Variants in CAMKV observed in about 807,000 individuals in gnomAD.
The protein encoded by CAMKV is CaM kinase like vesicle associated.
In CAMKV, 5 loss-of-function variants were observed where a neutral mutation model predicts 50.2. The ratio of observed to expected loss-of-function variants is 0.10; its 90% CI spans 0.05 to 0.21. CAMKV has a LOEUF of 0.21. Among genes scored for constraint, CAMKV ranks in the 10% least tolerant of loss-of-function variants. CAMKV has a pLI of 1.00. For synonymous variants in CAMKV, 229 were observed against 250.1 expected, an observed-to-expected ratio of 0.92 and a Z score of 0.80; for missense variants, 361 against 650.5, an observed-to-expected ratio of 0.55 and a Z score of 4.84.
At position 49,860,015 on chromosome 3, in the gene CAMKV, C is replaced by G. The variant is rs560688451; in HGVS notation, c.943-134G>C. On this transcript the variant is annotated intron_variant, in intron 10 of 10. Transcript: ENST00000477224. The surrounding 1 kb of genome is among the most constrained non-coding windows in gnomAD (Gnocchi z 6.1). ...CCCCAGGGCCAAGTACTCAGCTGCT[C>G]AGCACTCCTACTTAAGGTAATCACA... 2 of 1,043,254 alleles carry G rather than the reference C, an allele frequency of 1.9e-6. No homozygotes were observed. The highest frequency in any genetic ancestry group is 2.8e-6 in the Non-Finnish European group (2 of 715,860). The allele number at this position is 1,043,254 out of a possible 1,614,324, so 64.6% of individuals were successfully genotyped here.
Position 49,859,744 on chromosome 3 carries a change from A to T in CAMKV, c.1080T>A (p.Ser360Arg). 1 of 1,579,602 alleles carries T rather than the reference A, an allele frequency of 6.3e-7. No individual in the cohort carries two copies. The highest frequency in any genetic ancestry group is 8.6e-7 in the Non-Finnish European group (1 of 1,162,292). ...AAGGATAAAA[S>R]GATSAPEGDA... ...CACCCTCAGGGGCTGAGGTAGCTCC[A>T]CTCGCAGCTGCAGCTGTGGCCCCAC... The change falls in exon 11 of 11, where the codon AGT becomes AGA. Residue 360 changes from serine (S) to arginine (R), a missense_variant. Transcript: ENST00000477224. This position sits in a 1 kb window ranked among gnomAD's most constrained non-coding sequence, Gnocchi z 5.5.
Position 49,869,228 on chromosome 3 carries a change from C to A in CAMKV, c.-15+530G>T, listed in dbSNP as rs2082088113. The stretch of plus-strand genomic sequence containing the variant: ...CATGCACTGGACCCCCAGCTGGCAC[C>A]CAGGTGAAGGCTTGGAAGCTGAATT... On this transcript the variant is annotated intron_variant, in intron 1 of 10. Coordinates refer to ENST00000477224, the MANE Select transcript of CAMKV (RefSeq NM_024046.5). This position sits in a 1 kb window ranked among gnomAD's most constrained non-coding sequence, Gnocchi z 5.2. Among the ~76,000 whole-genome samples the A allele has an allele frequency of 6.6e-6, 1 of 152,212 alleles. No homozygotes were observed. Among genetic ancestry groups the A allele is most frequent in the African/African-American group, 2.4e-5 (1 of 41,456 alleles).
chr3:49,860,346 A>C lies in CAMKV; in HGVS notation c.855-88T>G. ...CCCTTCTATGTGGCATCCAGGGACT[A>C]CCAGGCAGAGCCTCTGGGCTGCCCT... is the stretch of plus-strand genomic sequence containing the variant. On this transcript the variant is annotated intron_variant, in intron 9 of 10. Transcript: ENST00000477224. The surrounding 1 kb of genome is among the most constrained non-coding windows in gnomAD (Gnocchi z 6.1). 1 of 1,528,276 alleles carries C rather than the reference A, an allele frequency of 6.5e-7. No homozygotes were observed. The allele number at this position is 1,528,276 out of a possible 1,614,324, so 94.7% of individuals were successfully genotyped here.
At position 49,859,097 on chromosome 3, in the gene CAMKV, A is replaced by AG. The variant is rs1028377135; in HGVS notation, c.*220dup. On this transcript the variant is annotated 3_prime_UTR_variant, in exon 11 of 11. Coordinates refer to ENST00000477224, the MANE Select transcript of CAMKV (RefSeq NM_024046.5). This position sits in a 1 kb window ranked among gnomAD's most constrained non-coding sequence, Gnocchi z 5.5. ...CAGAAAAGCCACAAGGAATCCATGC[A>AG]GGGGCTGGGGCCGGCCCTGCCACTG... The AG allele has an allele frequency of 5.8e-5, 27 of 465,840 alleles. No homozygotes were observed. Among genetic ancestry groups the AG allele is most frequent in the African/African-American group, 4.8e-4 (25 of 51,768 alleles). 28.9% of individuals were successfully genotyped at this position (465,840 alleles called of 1,614,324 possible).
In CAMKV at chr3:49,858,168, G is replaced by C. The variant is rs2081992268; in HGVS notation, c.*1150C>G. 2.5e-6 allele frequency: 1 copy of C among 397,390 alleles called. No individual in the cohort carries two copies. The highest frequency in any genetic ancestry group is 2.1e-5 in the African/African-American group (1 of 48,602). 24.6% of individuals were successfully genotyped at this position (397,390 alleles called of 1,614,324 possible). ...CCAGGCTGTGGTAGGGTCTGACAAA[G>C]GGCACCTGTCAGGAGCCTCCCTCAG... is the stretch of plus-strand genomic sequence containing the variant. On this transcript the variant is annotated 3_prime_UTR_variant, in exon 11 of 11. Coordinates refer to ENST00000477224, the MANE Select transcript of CAMKV (RefSeq NM_024046.5).
rs1245270711 is a variant in CAMKV at position 49,860,740 on chromosome 3, A to G, written c.751T>C (p.Tyr251His). 6.2e-7 allele frequency: 1 copy of G among 1,614,162 alleles called. No individual in the cohort carries two copies. Among genetic ancestry groups the G allele is most frequent in the Non-Finnish European group, 8.5e-7 (1 of 1,180,040 alleles). ...LAGDYEFDSP[Y>H]WDDISQAAKD... ...CCTGCCTGCGAAATATCATCCCAATATGGAGAGTCAAACTCATAGTCACCA... is the reference window on the plus strand; with the variant it reads ...CCTGCCTGCGAAATATCATCCCAATGTGGAGAGTCAAACTCATAGTCACCA... Residue 251 changes from tyrosine (Y) to histidine (H), a missense_variant, in exon 8 of 11, where the codon TAT becomes CAT. Tyr to His is a moderately conservative substitution (Grantham distance 83). Coordinates refer to ENST00000477224, the MANE Select transcript of CAMKV (RefSeq NM_024046.5). The surrounding 1 kb of genome is among the most constrained non-coding windows in gnomAD (Gnocchi z 6.1).
In CAMKV at chr3:49,859,489, G is replaced by A. The variant is rs766525032; in HGVS notation, c.1335C>T (p.Thr445=). Residue 445 remains threonine, a synonymous_variant, in exon 11 of 11, where the codon ACC becomes ACT. Transcript: ENST00000477224. This position sits in a 1 kb window ranked among gnomAD's most constrained non-coding sequence, Gnocchi z 5.5. ...TPATEESTVP[T]TQSSAMLATK... ...TGGCCAGCATGGCACTGCTTTGGGTGGTGGGCACAGTGCTCTCTTCTGTGG... is the reference window on the plus strand; with the variant it reads ...TGGCCAGCATGGCACTGCTTTGGGTAGTGGGCACAGTGCTCTCTTCTGTGG... 1.2e-6 allele frequency: 2 copies of A among 1,614,210 alleles called. No individual in the cohort carries two copies. Among genetic ancestry groups the A allele is most frequent in the Non-Finnish European group, 1.7e-6 (2 of 1,180,018 alleles).
chr3:49,858,419 C>T lies in CAMKV; in HGVS notation c.*899G>A, dbSNP rs1329679039. The T allele has an allele frequency of 7.3e-5, 29 of 398,114 alleles. No individual in the cohort carries two copies. Among genetic ancestry groups the T allele is most frequent in the Non-Finnish European group, 4.4e-6 (1 of 225,996 alleles). 24.7% of individuals were successfully genotyped at this position (398,114 alleles called of 1,614,324 possible). A position where few individuals can be genotyped will look rare whatever the true frequency, so the allele number is the denominator to read the frequency against. ...CCCTAGGGTGGAGAGGACTTGTGGGCTGAGATTGTAGGAGGTGGGCATCTA... is the reference window on the plus strand; with the variant it reads ...CCCTAGGGTGGAGAGGACTTGTGGGTTGAGATTGTAGGAGGTGGGCATCTA... On this transcript the variant is annotated 3_prime_UTR_variant, in exon 11 of 11. Transcript: ENST00000477224.
At chr3:49,866,118 C>CTCT (rs2082063701) in intron 1 of CAMKV, among the ~76,000 whole-genome samples, 1 of 152,168 alleles carries the variant, frequency 6.6e-6, no homozygotes. Context: ...CCTCCTCCTC[C>CTCT]TCACCAGTCT....
chr3:49,868,486 G>C (rs890049135), intron 1 of CAMKV, among the ~76,000 whole-genome samples: 3 of 152,224 alleles, frequency 2.0e-5, no homozygotes, highest in Non-Finnish European at 4.4e-5. Context: ...CCTTCTCCCA[G>C]GGCAGAGGAC....
At position 49,861,342 on chromosome 3, in the gene CAMKV, T is replaced by A. The variant is rs1223173664; in HGVS notation, c.442-42A>T. On this transcript the variant is annotated intron_variant, in intron 5 of 10. Coordinates refer to ENST00000477224, the MANE Select transcript of CAMKV (RefSeq NM_024046.5). This position sits in a 1 kb window ranked among gnomAD's most constrained non-coding sequence, Gnocchi z 7.7. ...GCATGTGGGTGAGCAGAAGACACCA[T>A]GAGGACCTTGGAGGCTAGACCAAGG... The A allele has an allele frequency of 2.5e-6, 4 of 1,613,766 alleles. No individual in the cohort carries two copies. In the Admixed American group the frequency reaches 5.0e-5, roughly 20 times the overall value.
At position 49,859,220 on chromosome 3, in the gene CAMKV, A is replaced by T; in HGVS notation, c.*98T>A. On this transcript the variant is annotated 3_prime_UTR_variant, in exon 11 of 11. Coordinates refer to ENST00000477224, the MANE Select transcript of CAMKV (RefSeq NM_024046.5). This position sits in a 1 kb window ranked among gnomAD's most constrained non-coding sequence, Gnocchi z 5.5. ...TGGGATGTGGGGGCATGGGGGAGCG[A>T]GGGCATCATGCCAGTGACTCTATGT... 8.8e-7 allele frequency: 1 copy of T among 1,131,942 alleles called. No individual in the cohort carries two copies. The highest frequency in any genetic ancestry group is 1.2e-6 in the Non-Finnish European group (1 of 802,568). 70.1% of individuals were successfully genotyped at this position (1,131,942 alleles called of 1,614,324 possible). A position where few individuals can be genotyped will look rare whatever the true frequency, so the allele number is the denominator to read the frequency against.
At position 49,862,209 on chromosome 3, in the gene CAMKV, C is replaced by CTTAG. The variant is rs1460672644; in HGVS notation, c.96-37_96-34dup. The CTTAG allele has an allele frequency of 1.4e-5, 22 of 1,614,158 alleles. No individual in the cohort carries two copies. Among genetic ancestry groups the CTTAG allele is most frequent in the Non-Finnish European group, 1.9e-5 (22 of 1,180,024 alleles). On this transcript the variant is annotated intron_variant, in intron 2 of 10. Coordinates refer to ENST00000477224, the MANE Select transcript of CAMKV (RefSeq NM_024046.5). The surrounding 1 kb of genome is among the most constrained non-coding windows in gnomAD (Gnocchi z 5.2). ...CGACAGGCACCCACTCAGGCCTGGC[C>CTTAG]TTAGCATCAGCTGCACTCCACTGCC... is the stretch of plus-strand genomic sequence containing the variant.
rs940070589 is a variant in CAMKV at position 49,859,110 on chromosome 3, G to A, written c.*208C>T. The stretch of plus-strand genomic sequence containing the variant: ...AGGAATCCATGCAGGGGCTGGGGCC[G>A]GCCCTGCCACTGGCCTGCCCACCAC... On this transcript the variant is annotated 3_prime_UTR_variant, in exon 11 of 11. Transcript: ENST00000477224. This position sits in a 1 kb window ranked among gnomAD's most constrained non-coding sequence, Gnocchi z 5.5. 3 of 469,298 alleles carry A rather than the reference G, an allele frequency of 6.4e-6. No individual in the cohort carries two copies. The highest frequency in any genetic ancestry group is 5.7e-5 in the South Asian group (1 of 17,560). 29.1% of individuals were successfully genotyped at this position (469,298 alleles called of 1,614,324 possible). A position where few individuals can be genotyped will look rare whatever the true frequency, so the allele number is the denominator to read the frequency against.
At chr3:49,864,393 G>A (rs1431752082) in intron 1 of CAMKV, among the ~76,000 whole-genome samples, 2 of 152,258 alleles carry the variant, frequency 1.3e-5, no homozygotes, top group Non-Finnish European at 2.9e-5. Context: ...CAGGTGCAAG[G>A]CCCCCAAACA....
Position 49,861,829 on chromosome 3 carries a change from C to T in CAMKV, c.264G>A (p.Val88=), listed in dbSNP as rs2082024268. The change falls in exon 4 of 11, where the codon GTG becomes GTA. Residue 88 remains valine, a synonymous_variant. Transcript: ENST00000477224. The surrounding 1 kb of genome is among the most constrained non-coding windows in gnomAD (Gnocchi z 7.7). ...KHPNILQLVD[V]FVTRKEYFIF... The stretch of plus-strand genomic sequence containing the variant: ...TAAAGTACTCCTTGCGGGTCACAAA[C>T]ACATCCACCAGCTGTAGGATGTTGG... The T allele has an allele frequency of 3.7e-6, 6 of 1,613,914 alleles. No individual in the cohort carries two copies. The highest frequency in any genetic ancestry group is 4.5e-5 in the East Asian group (2 of 44,880).
At chr3:49,863,199 C>G (rs1482480358) in intron 1 of CAMKV, among the ~76,000 whole-genome samples, 1 of 152,204 alleles carries the variant, frequency 6.6e-6, no homozygotes, top group East Asian at 1.9e-4. Flanking sequence ...AGAACAAACC[C>G]GTAAGGGGGA....
rs1575411632 is a variant in CAMKV at position 49,869,781 on chromosome 3, G to C, written c.-38C>G. 6.6e-6 allele frequency: 1 copy of C among 152,304 alleles called. No individual in the cohort carries two copies. The highest frequency in any genetic ancestry group is 2.1e-4 in the South Asian group (1 of 4,824). 9.4% of individuals were successfully genotyped at this position (152,304 alleles called of 1,614,324 possible). On this transcript the variant is annotated 5_prime_UTR_variant, in exon 1 of 11. Transcript: ENST00000477224. The surrounding 1 kb of genome is among the most constrained non-coding windows in gnomAD (Gnocchi z 5.2). ...ACCTGCAGCGCCGGTTGGTCACAGG[G>C]AGGAAGTGATCGCGGGCTCAGCGGG...
In CAMKV at chr3:49,861,778, G is replaced by A. The variant is rs771108006; in HGVS notation, c.302+13C>T. 8 of 1,613,504 alleles carry A rather than the reference G, an allele frequency of 5.0e-6. No individual in the cohort carries two copies. In the East Asian group the frequency reaches 1.8e-4, roughly 36 times the overall value. On this transcript the variant is annotated intron_variant, in intron 4 of 10. Coordinates refer to ENST00000477224, the MANE Select transcript of CAMKV (RefSeq NM_024046.5). The surrounding 1 kb of genome is among the most constrained non-coding windows in gnomAD (Gnocchi z 7.7). ...GGCGCTGGGGAATCTTGGGTCCCCA[G>A]ACCCACACTCACAGCTCCAGGAAGA...
Sources: gnomAD v4.1 joint callset for allele counts (sites outside exome capture counted in the v4.1 genomes callset) on GRCh38, gnomAD v4.1.1 for gene constraint, Gnocchi (gnomAD v3.1) non-coding constraint, MANE v1.5 for transcripts, NCBI Gene and HGNC (gene_info 2026-07-23, HGNC 2026-07-21) for gene names.